Variants in RAB3GAP2 observed in about 807,000 individuals in gnomAD.
RAB3GAP2 encodes the protein rab3 GTPase-activating protein non-catalytic subunit.
A neutral mutation model predicts 185.3 loss-of-function variants in RAB3GAP2; 87 were observed. The observed-to-expected ratio is 0.47, with a 90% confidence interval of 0.39 to 0.56. RAB3GAP2 has a LOEUF of 0.56. RAB3GAP2 is among the 20% of genes least tolerant of loss of function. The pLI, the probability that RAB3GAP2 is intolerant of heterozygous loss-of-function variation, is 0.00. For missense variants in RAB3GAP2, 1,492 were observed against 1,638.2 expected (o/e 0.91, Z 1.54); for synonymous variants, 554 against 576.1 (o/e 0.96, Z 0.55).
rs566511739 is a variant in RAB3GAP2 at position 220,258,195 on chromosome 1, T to C, written c.115+14028A>G. ...GCTGGTACCATTTCTACTGAAACTA[T>C]TCCAAAAAATTGAAAAGGAGGGACT... On this transcript the variant is annotated intron_variant, in intron 1 of 34. Transcript: ENST00000358951. 4.6e-5 allele frequency among the ~76,000 whole-genome samples: 7 copies of C among 152,238 alleles called. No individual in the cohort carries two copies. In the South Asian group the frequency reaches 6.2e-4, roughly 14 times the overall value.
At chr1:220,174,419 T>G (rs1658248674) in intron 21 of RAB3GAP2, among the ~76,000 whole-genome samples, 1 of 152,116 alleles carries the variant, frequency 6.6e-6, no homozygotes, top group Admixed American at 6.5e-5. Flanking sequence ...AGTAGGTAGG[T>G]GTATATTTGT....
At chr1:220,152,235 C>A (rs1657771237) in intron 33 of RAB3GAP2, among the ~76,000 whole-genome samples, 1 of 152,154 alleles carries the variant, frequency 6.6e-6, no homozygotes, top group African/African-American at 2.4e-5. Context: ...GCCACCACGC[C>A]CAGCTAATTT....
chr1:220,193,109 G>A (rs1026414631), intron 13 of RAB3GAP2, 131 bp downstream of exon 13: 2 of 1,180,048 alleles, frequency 1.7e-6, no homozygotes, highest in African/African-American at 3.0e-5. Flanking sequence ...CTGAGTTCAT[G>A]TCAAAAAAAG....
chr1:220,190,091 A>C lies in RAB3GAP2; in HGVS notation c.1687T>G (p.Leu563Val), dbSNP rs893558076. 17 of 1,613,338 alleles carry C rather than the reference A, an allele frequency of 1.1e-5. No individual in the cohort carries two copies. The highest frequency in any genetic ancestry group is 1.4e-5 in the Non-Finnish European group (17 of 1,179,496). The change falls in exon 16 of 35, where the codon TTA becomes GTA. Residue 563 changes from leucine (L) to valine (V), a missense_variant. Leu to Val is a conservative substitution (Grantham distance 32). Coordinates refer to ENST00000358951, the MANE Select transcript of RAB3GAP2 (RefSeq NM_012414.4). The stretch of plus-strand genomic sequence containing the variant: ...AGATTGGGAGATTTTGTTTTCAGTA[A>C]GGCTGCTAGTTTCTTCACTAGGTGC... ...DMHLVKKLAA[L>V]LKTKSPNLDL...
rs1407445080 is a variant in RAB3GAP2 at position 220,149,343 on chromosome 1, T to TTGA, written c.*1905_*1907dup. ...TTATTGTTCTCAGCAATCCCCAGAT[T>TTGA]TGATTGTCTGTTCTACCAGAGTAAG... On this transcript the variant is annotated 3_prime_UTR_variant, in exon 35 of 35. Coordinates refer to ENST00000358951, the MANE Select transcript of RAB3GAP2 (RefSeq NM_012414.4). The TTGA allele has an allele frequency of 6.6e-6, 1 of 152,188 alleles. No homozygotes were observed. The highest frequency in any genetic ancestry group is 2.4e-5 in the African/African-American group (1 of 41,452). 9.4% of individuals were successfully genotyped at this position (152,188 alleles called of 1,614,324 possible).
chr1:220,232,022 T>C (rs1454748626), intron 2 of RAB3GAP2, among the ~76,000 whole-genome samples: 1 of 152,230 alleles, frequency 6.6e-6, no homozygotes, highest in Non-Finnish European at 1.5e-5. Flanking sequence ...GATTTTTTTA[T>C]TACTCATATG....
At chr1:220,168,067 C>T (rs1294358612) in intron 24 of RAB3GAP2, among the ~76,000 whole-genome samples, 1 of 152,082 alleles carries the variant, frequency 6.6e-6, no homozygotes, top group Non-Finnish European at 1.5e-5. Flanking sequence ...TTTGTCTAGG[C>T]TCCTAAGGCC....
intron 1 of RAB3GAP2, among the ~76,000 whole-genome samples, chr1:220,257,098 G>T (rs1048799450): frequency 1.3e-5 from 2 of 152,266 alleles, no homozygotes; most frequent in African/African-American, 4.8e-5. Flanking sequence ...CACTCAAAAG[G>T]CTGGGCGTCG....
chr1:220,199,943 C>T (rs1658810758), intron 9 of RAB3GAP2, among the ~76,000 whole-genome samples: 1 of 152,148 alleles, frequency 6.6e-6, no homozygotes, highest in Admixed American at 6.5e-5. Context: ...CATCTCTCTA[C>T]CCAGCAAACA....
intron 2 of RAB3GAP2, among the ~76,000 whole-genome samples, chr1:220,224,338 G>T (rs2102887633): frequency 6.6e-6 from 1 of 152,142 alleles, no homozygotes; most frequent in Non-Finnish European, 1.5e-5. Context: ...AGACATAAAG[G>T]TACTTATTGC....
intron 12 of RAB3GAP2, 86 bp from the exon 13 acceptor site, chr1:220,193,465 G>C (rs1357187014): frequency 7.7e-7 from 1 of 1,292,348 alleles, no homozygotes; most frequent in Non-Finnish European, 1.1e-6. Flanking sequence ...AAATGAAATA[G>C]GCTGAATCTG....
intron 3 of RAB3GAP2, 115 bp downstream of exon 3, chr1:220,213,741 G>GAA: frequency 1.0e-6 from 1 of 993,646 alleles, no homozygotes; most frequent in African/African-American, 2.4e-5. Flanking sequence ...TTGGGGGGGG[G>GAA]GGGAGAGAGA....
chr1:220,250,832 C>A (rs1399862927), intron 1 of RAB3GAP2, among the ~76,000 whole-genome samples: 3 of 152,334 alleles, frequency 2.0e-5, no homozygotes, highest in African/African-American at 4.8e-5. Flanking sequence ...CTCCTTCTTG[C>A]CACTATGTGA....
At chr1:220,203,347 T>C (rs988002675) in intron 8 of RAB3GAP2, among the ~76,000 whole-genome samples, 7 of 152,202 alleles carry the variant, frequency 4.6e-5, no homozygotes, top group African/African-American at 1.7e-4. Context: ...TGGCTGTTTA[T>C]TCAGGAAAGT....
In RAB3GAP2 at chr1:220,193,274, A is replaced by G; in HGVS notation, c.1236T>C (p.Asp412=). The change falls in exon 13 of 35, where the codon GAT becomes GAC. Residue 412 remains aspartate, a synonymous_variant. Coordinates refer to ENST00000358951, the MANE Select transcript of RAB3GAP2 (RefSeq NM_012414.4). ...TGCGTATTGCAATTCCTCTAGCTAC[A>G]TCCAATAAAATAACTCTGCCGAAAT... is the stretch of plus-strand genomic sequence containing the variant. ...TDDFGRVILL[D]VARGIAIRMW... 1 of 1,614,046 alleles carries G rather than the reference A, an allele frequency of 6.2e-7. No individual in the cohort carries two copies. Among genetic ancestry groups the G allele is most frequent in the Non-Finnish European group, 8.5e-7 (1 of 1,179,954 alleles).
chr1:220,212,964 T>G lies in RAB3GAP2; in HGVS notation c.309A>C (p.Lys103Asn), dbSNP rs1425618506. The G allele has an allele frequency of 1.2e-6, 2 of 1,607,326 alleles. No individual in the cohort carries two copies. The highest frequency in any genetic ancestry group is 2.7e-5 in the African/African-American group (2 of 74,716). ...REQKAVFLVP[K>N]WKYSDKGKEE... ...CCTTTCCTTTATCACTATATTTCCA[T>G]TTTGCTGTAAGAATTAAGATATCAT... The change falls in exon 4 of 35, where the codon AAA becomes AAC. Residue 103 changes from lysine (K) to asparagine (N), a missense_variant. This residue lies in a region of RAB3GAP2 where 177 missense variants were observed against 160.6 expected (regional missense o/e 1.10). Transcript: ENST00000358951.
At chr1:220,219,794 G>C (rs1354566517) in intron 2 of RAB3GAP2, among the ~76,000 whole-genome samples, 1 of 152,206 alleles carries the variant, frequency 6.6e-6, no homozygotes, top group Non-Finnish European at 1.5e-5. Flanking sequence ...CAATGAGCTA[G>C]TATTAGGTTT....
chr1:220,219,311 G>A (rs1180782781), intron 2 of RAB3GAP2: 1 of 152,150 alleles, frequency 6.6e-6, no homozygotes, highest in Non-Finnish European at 1.5e-5. Context: ...GAAACAGAAG[G>A]AACTACAGGG....
chr1:220,167,915 A>T (rs1199710703), intron 24 of RAB3GAP2, among the ~76,000 whole-genome samples: 1 of 152,192 alleles, frequency 6.6e-6, no homozygotes, highest in Non-Finnish European at 1.5e-5. Context: ...AATATTAGAT[A>T]AATATAAATG....
Sources: allele counts gnomAD v4.1 joint callset (sites outside exome capture counted in the v4.1 genomes callset), GRCh38; gene constraint gnomAD v4.1.1; regional missense constraint gnomAD v4.1.1; transcripts MANE v1.5; gene names NCBI Gene and HGNC (gene_info 2026-07-23, HGNC 2026-07-21).